The following PRKCE variants were observed in gnomAD, a reference collection of about 807,000 sequenced individuals.
PRKCE encodes protein kinase C epsilon.
A neutral mutation model predicts 85.4 loss-of-function variants in PRKCE; 16 were observed. That is an observed-to-expected ratio of 0.19 (90% CI 0.13 to 0.28). The LOEUF (loss-of-function observed/expected upper bound fraction) is 0.28. Among genes scored for constraint, PRKCE ranks in the 10% least tolerant of loss-of-function variants. The pLI is 1.00. For missense variants in PRKCE, 573 were observed against 975.2 expected, an observed-to-expected ratio of 0.59 and a Z score of 5.49; for synonymous variants, 388 against 371.5, an observed-to-expected ratio of 1.04 and a Z score of -0.51.
chr2:45,884,558 A>G (rs1695104422), intron 2 of PRKCE, among the ~76,000 whole-genome samples: 1 of 152,150 alleles, frequency 6.6e-6, no homozygotes, highest in African/African-American at 2.4e-5. Flanking sequence ...ACCTACGACA[A>G]TGTTATAGGA....
intron 1 of PRKCE, among the ~76,000 whole-genome samples, chr2:45,687,005 AG>A (rs1192319824): frequency 6.6e-6 from 1 of 152,182 alleles, no homozygotes; most frequent in African/African-American, 2.4e-5. Context: ...AAGCAATAGA[AG>A]GAAAAGGAGA....
In PRKCE at chr2:45,955,027, C is replaced by G. The variant is rs73926121; in HGVS notation, c.413-21402C>G. 4.8e-3 allele frequency among the ~76,000 whole-genome samples: 723 copies of G among 152,150 alleles called. 7 individuals carry two copies. The highest frequency in any genetic ancestry group is 0.016 in the African/African-American group (682 of 41,506). The stretch of plus-strand genomic sequence containing the variant: ...AAATAAATCTTAAGGGCTACTTTTC[C>G]TAAAGTAACTAGCAATCTAGCTGAG... On this transcript the variant is annotated intron_variant, in intron 2 of 14. Transcript: ENST00000306156.
intron 10 of PRKCE, chr2:46,010,863 A>T: frequency 3.3e-6 from 5 of 1,516,958 alleles, no homozygotes; most frequent in Non-Finnish European, 4.4e-6. Flanking sequence ...CAAATCACTT[A>T]ACTTCTAAGT....
chr2:46,124,823 A>G (rs559971616), intron 11 of PRKCE, among the ~76,000 whole-genome samples: 6 of 152,352 alleles, frequency 3.9e-5, no homozygotes, highest in East Asian at 1.9e-4. Flanking sequence ...ATGGTGCTGT[A>G]TGGTTATAAA....
intron 10 of PRKCE, among the ~76,000 whole-genome samples, chr2:46,062,208 C>T (rs1667211608): frequency 6.6e-6 from 1 of 152,122 alleles, no homozygotes; most frequent in African/African-American, 2.4e-5. Context: ...GATATAAAGC[C>T]CTGTGTCAGA....
chr2:46,152,045 A>G (rs1436894403), intron 13 of PRKCE, among the ~76,000 whole-genome samples: 2 of 152,240 alleles, frequency 1.3e-5, no homozygotes, highest in African/African-American at 2.4e-5. Context: ...CACTCATCTG[A>G]ATGCCCCAAA....
In PRKCE at chr2:46,010,332, G is replaced by A. The variant is rs563040840; in HGVS notation, c.1264-12G>A. Reference sequence around the variant, plus strand: ...CATGCATAGATTGATGGAGGCAATTGATTGATTGCAGGTCATGTTGGCAGA... The same window carrying A: ...CATGCATAGATTGATGGAGGCAATTAATTGATTGCAGGTCATGTTGGCAGA... On this transcript the variant is annotated splice_polypyrimidine_tract_variant and intron_variant, in intron 9 of 14. Coordinates refer to ENST00000306156, the MANE Select transcript of PRKCE (RefSeq NM_005400.3). 232 of 1,581,706 alleles carry A rather than the reference G, an allele frequency of 1.5e-4. No homozygotes were observed. The highest frequency in any genetic ancestry group is 1.9e-4 in the Non-Finnish European group (217 of 1,167,138).
intron 1 of PRKCE, among the ~76,000 whole-genome samples, chr2:45,818,719 A>G (rs1689280960): frequency 6.6e-6 from 1 of 152,222 alleles, no homozygotes; most frequent in South Asian, 2.1e-4. Context: ...CAGTTTTAAC[A>G]CGAGGAGGTG....
intron 1 of PRKCE, among the ~76,000 whole-genome samples, chr2:45,673,302 C>T (rs999425178): frequency 2.0e-5 from 3 of 152,196 alleles, no homozygotes; most frequent in Admixed American, 6.5e-5. Context: ...CACTCAAAAA[C>T]GAATGCCATA....
chr2:45,946,365 T>G (rs2711304), intron 2 of PRKCE, among the ~76,000 whole-genome samples: 150,148 of 152,302 alleles, frequency 0.99, 74,024 homozygotes, highest in East Asian at 1. Flanking sequence ...TATGATACGG[T>G]TTATAAATGA....
intron 1 of PRKCE, among the ~76,000 whole-genome samples, chr2:45,835,823 G>A (rs911505226): frequency 5.3e-5 from 8 of 151,960 alleles, no homozygotes; most frequent in Non-Finnish European, 1.2e-4. Flanking sequence ...TTGAACTCCT[G>A]GCTTGAAGCG....
rs750381373 is a variant in PRKCE, at chr2:45,817,207, C to T, written c.349-25793C>T. The stretch of plus-strand genomic sequence containing the variant: ...AGGCCTTGTCATGATAGCAGCAGCT[C>T]ATTTCTTATTGAGCTTTGCAGTTGA... On this transcript the variant is annotated intron_variant, in intron 1 of 14. Transcript: ENST00000306156. Among the ~76,000 whole-genome samples the T allele has an allele frequency of 1.1e-4, 17 of 152,018 alleles. 1 individual carries two copies. The highest frequency in any genetic ancestry group is 2.1e-4 in the Non-Finnish European group (14 of 68,022).
intron 1 of PRKCE, among the ~76,000 whole-genome samples, chr2:45,692,073 G>A (rs1422888228): frequency 2.0e-5 from 3 of 152,200 alleles, no homozygotes; most frequent in Admixed American, 2.0e-4. Context: ...TCTTGGTGTG[G>A]ATGGTTCATT....
At chr2:45,839,134 A>AT (rs1476086204) in intron 1 of PRKCE, among the ~76,000 whole-genome samples, 37 of 133,418 alleles carry the variant, frequency 2.8e-4, no homozygotes, top group Admixed American at 1.0e-3. Flanking sequence ...TTAAAAAAAA[A>AT]ATTTTTTTTT....
chr2:45,945,026 C>G (rs533673126), intron 2 of PRKCE, among the ~76,000 whole-genome samples: 1 of 152,154 alleles, frequency 6.6e-6, no homozygotes, highest in South Asian at 2.1e-4. Context: ...TTCAACTTCC[C>G]CCCTTCCTGA....
At chr2:46,052,308 G>C (rs1252143860) in intron 10 of PRKCE, among the ~76,000 whole-genome samples, 1 of 152,164 alleles carries the variant, frequency 6.6e-6, no homozygotes, top group Non-Finnish European at 1.5e-5. Flanking sequence ...GGCCACAGGA[G>C]ACAAGATCAA....
At chr2:45,944,099 C>T (rs536227595) in intron 2 of PRKCE, among the ~76,000 whole-genome samples, 2 of 152,330 alleles carry the variant, frequency 1.3e-5, no homozygotes, top group African/African-American at 4.8e-5. Flanking sequence ...GGCAACCCTG[C>T]AGGGCCATTC....
intron 10 of PRKCE, among the ~76,000 whole-genome samples, chr2:46,082,058 C>T (rs1558432732): frequency 6.6e-6 from 1 of 152,170 alleles, no homozygotes; most frequent in Non-Finnish European, 1.5e-5. Context: ...CACACCATTA[C>T]ACTCCAGCCT....
intron 11 of PRKCE, among the ~76,000 whole-genome samples, chr2:46,094,207 T>C (rs1027934447): frequency 6.6e-6 from 1 of 152,320 alleles, no homozygotes; most frequent in Middle Eastern, 3.4e-3. Context: ...GGGATCCCAC[T>C]TCACTTTCAT....
Sources: gnomAD v4.1 joint callset for allele counts (sites outside exome capture counted in the v4.1 genomes callset) on GRCh38, gnomAD v4.1.1 for gene constraint, MANE v1.5 for transcripts, NCBI Gene and HGNC (gene_info 2026-07-23, HGNC 2026-07-21) for gene names.